CSMD1: variants seen among roughly 807,000 people sequenced by gnomAD.
The protein encoded by CSMD1 is CUB and Sushi multiple domains 1.
A neutral mutation model predicts 417.5 loss-of-function variants in CSMD1; 213 were observed. That is an observed-to-expected ratio of 0.51 (90% CI 0.46 to 0.57). The LOEUF is 0.57. Ranked by LOEUF, CSMD1 falls within the 20% of genes least tolerant of loss-of-function variation. CSMD1 has a pLI of 0.00. For synonymous variants in CSMD1, 2,862 were observed against 1,736.8 expected, an observed-to-expected ratio of 1.65 and a Z score of -16.11; for missense variants, 6,923 against 4,529.7, an observed-to-expected ratio of 1.53 and a Z score of -15.17.
chr8:4,824,355 G>C (rs183272301), intron 1 of CSMD1, among the ~76,000 whole-genome samples: 1 of 152,082 alleles, frequency 6.6e-6, no homozygotes, highest in African/African-American at 2.4e-5. Flanking sequence ...ATGAAAGTCT[G>C]AATGATATGC....
chr8:4,660,434 G>T (rs755155778), intron 1 of CSMD1, among the ~76,000 whole-genome samples: 4 of 151,972 alleles, frequency 2.6e-5, no homozygotes, highest in African/African-American at 4.8e-5. Context: ...ACATAGGAAA[G>T]ATATCAATGA....
intron 2 of CSMD1, among the ~76,000 whole-genome samples, chr8:4,560,320 A>T (rs1798273097): frequency 6.6e-6 from 1 of 152,206 alleles, no homozygotes; most frequent in African/African-American, 2.4e-5. Context: ...ACAAAACAGG[A>T]TACAGCACGT....
intron 12 of CSMD1, among the ~76,000 whole-genome samples, chr8:3,418,120 G>A (rs1813271820): frequency 6.6e-6 from 1 of 152,184 alleles, no homozygotes; most frequent in Admixed American, 6.5e-5. Flanking sequence ...ATACAAATGT[G>A]CTTTGTTTGA....
At chr8:4,469,403 C>A (rs1297500164) in intron 2 of CSMD1, among the ~76,000 whole-genome samples, 1 of 152,118 alleles carries the variant, frequency 6.6e-6, no homozygotes, top group Non-Finnish European at 1.5e-5. Context: ...CAGCATTCTG[C>A]CGTATTTTCA....
chr8:2,939,476 T>A (rs2128911677), intron 69 of CSMD1, among the ~76,000 whole-genome samples: 1 of 152,334 alleles, frequency 6.6e-6, no homozygotes, highest in Non-Finnish European at 1.5e-5. Flanking sequence ...CAATCTATGA[T>A]TAGAGAATTA....
intron 39 of CSMD1, among the ~76,000 whole-genome samples, chr8:3,156,585 G>C (rs547268125): frequency 7.2e-4 from 110 of 152,290 alleles, no homozygotes; most frequent in African/African-American, 2.5e-3. Flanking sequence ...AGAGAGCATT[G>C]AGGAGGGGAC....
chr8:2,957,591 G>C (rs1156530703), intron 63 of CSMD1, 105 bp downstream of exon 63: 1 of 787,684 alleles, frequency 1.3e-6, no homozygotes, highest in Non-Finnish European at 2.1e-6. Flanking sequence ...TTTAGGATTA[G>C]GGAATTAAAA....
chr8:4,296,311 G>A (rs188739236), intron 3 of CSMD1, among the ~76,000 whole-genome samples: 2 of 151,924 alleles, frequency 1.3e-5, no homozygotes, highest in East Asian at 1.9e-4. Context: ...CGTCCCTGTG[G>A]TTATAAATTC....
At chr8:2,992,472 G>C (rs977841394) in intron 54 of CSMD1, among the ~76,000 whole-genome samples, 1 of 152,014 alleles carries the variant, frequency 6.6e-6, no homozygotes, top group Non-Finnish European at 1.5e-5. Flanking sequence ...CAGTCAGGCT[G>C]GAGTGCAGTG....
At chr8:4,242,557 T>A (rs1802464755) in intron 3 of CSMD1, among the ~76,000 whole-genome samples, 1 of 152,228 alleles carries the variant, frequency 6.6e-6, no homozygotes, top group African/African-American at 2.4e-5. Context: ...TCTAGTAAGT[T>A]GTCTTGAAAA....
At position 3,972,760 on chromosome 8, in the gene CSMD1, G is replaced by C. The variant is rs185812441; in HGVS notation, c.818+25143C>G. Among the ~76,000 whole-genome samples, 7 of 152,284 alleles carry C rather than the reference G, an allele frequency of 4.6e-5. No homozygotes were observed. The East Asian group carries it at 1.4e-3, about 29-fold the overall frequency. On this transcript the variant is annotated intron_variant, in intron 5 of 69. Coordinates refer to ENST00000635120, the MANE Select transcript of CSMD1 (RefSeq NM_033225.6). Reference sequence around the variant, plus strand: ...AGCACCAGCTAAAAGCATTAAAAATGTATATATTCAATGATCTAGCACATT... The same window carrying C: ...AGCACCAGCTAAAAGCATTAAAAATCTATATATTCAATGATCTAGCACATT...
intron 3 of CSMD1, among the ~76,000 whole-genome samples, chr8:4,036,003 A>G (rs983252596): frequency 1.3e-5 from 2 of 151,986 alleles, no homozygotes; most frequent in African/African-American, 4.8e-5. Context: ...ATGCTGTTTT[A>G]TTACTGTACC....
chr8:4,342,223 G>C (rs200709494), intron 3 of CSMD1, among the ~76,000 whole-genome samples: 4 of 11,420 alleles, frequency 3.5e-4, no homozygotes, highest in East Asian at 1.9e-3. Context: ...GTGTGTGTGT[G>C]TGTGTGTGTC....
chr8:3,834,153 C>T (rs1003818305), intron 5 of CSMD1, among the ~76,000 whole-genome samples: 11 of 152,046 alleles, frequency 7.2e-5, no homozygotes, highest in Non-Finnish European at 1.2e-4. Context: ...ATTGCTTTAT[C>T]TATATATACC....
intron 1 of CSMD1, among the ~76,000 whole-genome samples, chr8:4,671,524 C>A (rs1316794516): frequency 6.6e-6 from 1 of 152,142 alleles, no homozygotes; most frequent in Non-Finnish European, 1.5e-5. Flanking sequence ...TGTGACTGGC[C>A]AGCTTCCAAA....
At chr8:4,447,374 C>T (rs953933188) in intron 2 of CSMD1, among the ~76,000 whole-genome samples, 1 of 152,090 alleles carries the variant, frequency 6.6e-6, no homozygotes, top group Non-Finnish European at 1.5e-5. Context: ...AATAGAAATC[C>T]CTTTCAGCTC....
intron 5 of CSMD1, among the ~76,000 whole-genome samples, chr8:3,789,190 C>T (rs908437735): frequency 1.3e-5 from 2 of 152,110 alleles, no homozygotes; most frequent in African/African-American, 2.4e-5. Context: ...GAGGATCCAA[C>T]ATGAAAGCGC....
chr8:4,897,640 A>G (rs1360545045), intron 1 of CSMD1, among the ~76,000 whole-genome samples: 1 of 151,994 alleles, frequency 6.6e-6, no homozygotes. Flanking sequence ...TTAATGTCCA[A>G]TAATATGATA....
intron 7 of CSMD1, among the ~76,000 whole-genome samples, chr8:3,671,055 G>T (rs1388255173): frequency 3.0e-5 from 4 of 134,626 alleles, no homozygotes; most frequent in African/African-American, 1.0e-4. Flanking sequence ...ATGTATATAG[G>T]ATATATATGT....
Sources: gnomAD v4.1 joint callset for allele counts (sites outside exome capture counted in the v4.1 genomes callset) on GRCh38, gnomAD v4.1.1 for gene constraint, MANE v1.5 for transcripts, NCBI Gene and HGNC (gene_info 2026-07-23, HGNC 2026-07-21) for gene names.